SHF: variants seen among roughly 807,000 people sequenced by gnomAD.
SHF encodes SH2 domain-containing adapter protein F.
Under a neutral mutation model 42.4 loss-of-function variants are expected in SHF, and 30 were observed. That is an observed-to-expected ratio of 0.71 (90% confidence interval 0.53 to 0.96). The LOEUF is 0.96. SHF is among the 40% of genes least tolerant of loss of function. The pLI is 0.00. For missense variants in SHF, 598 were observed against 634.0 expected (o/e 0.94, Z 0.61); for synonymous variants, 264 against 269.9 (o/e 0.98, Z 0.21).
intron 2 of SHF, among the ~76,000 whole-genome samples, 157 bp from the exon 3 acceptor site, chr15:45,175,582 C>T (rs992772989): frequency 2.6e-5 from 4 of 152,196 alleles, no homozygotes; most frequent in African/African-American, 9.7e-5. Context: ...GTTCCTCACC[C>T]TCAAAACACT....
At chr15:45,188,914 T>C (rs1358865165), upstream of SHF, among the ~76,000 whole-genome samples, 3 of 152,094 alleles carry the variant, frequency 2.0e-5, no homozygotes, top group Non-Finnish European at 2.9e-5. Flanking sequence ...CAGTTCCGGC[T>C]GGGCGCGGTG....
At chr15:45,198,911 G>C in exon 2 of SHF, 1 of 1,614,040 alleles carries the variant, frequency 6.2e-7, no homozygotes, top group South Asian at 1.1e-5. Context: ...AGCGCAGTGG[G>C]AGTTTAGGGG....
exon 1 of SHF, chr15:45,200,965 C>G: frequency 2.4e-6 from 1 of 422,630 alleles, no homozygotes; most frequent in Non-Finnish European, 4.8e-6. Context: ...TTTTGCGGTC[C>G]GTGCGTACAG....
At chr15:45,182,861 C>A (rs536677833) in intron 1 of SHF, among the ~76,000 whole-genome samples, 5 of 152,186 alleles carry the variant, frequency 3.3e-5, no homozygotes, top group Non-Finnish European at 7.3e-5. Flanking sequence ...ATGTCCTTCT[C>A]CTATTTTATC....
At chr15:45,187,259 G>A (rs1019231112) in intron 1 of SHF, among the ~76,000 whole-genome samples, 195 bp downstream of exon 1, 5 of 152,344 alleles carry the variant, frequency 3.3e-5, no homozygotes, top group South Asian at 2.1e-4. Context: ...AGAGTTTGGG[G>A]CTTCCGTCTC....
intron 1 of SHF, among the ~76,000 whole-genome samples, chr15:45,181,864 A>AT (rs1478919498): frequency 6.6e-6 from 1 of 152,226 alleles, no homozygotes; most frequent in Non-Finnish European, 1.5e-5. Flanking sequence ...AAATAAATAA[A>AT]AAATAAAACC....
rs939617679 is a variant in SHF at position 45,198,692 on chromosome 15, C to G, written c.303+80G>C. The G allele has an allele frequency of 2.4e-5, 36 of 1,517,328 alleles. No homozygotes were observed. The Admixed American group carries it at 6.7e-4, about 28-fold the overall frequency. 94.0% of individuals were successfully genotyped at this position (1,517,328 alleles called of 1,614,324 possible). ...ACGATCACGGCGAGCTACCGGGGAC[C>G]CGTAGGGGTTGGCTTCTGATTATCC... On this transcript the variant is annotated intron_variant, in intron 2 of 7. Coordinates refer to the SHF transcript ENST00000290894.
intron 4 of SHF, among the ~76,000 whole-genome samples, chr15:45,173,291 T>C (rs1323892606): frequency 6.6e-6 from 1 of 152,208 alleles, no homozygotes; most frequent in Non-Finnish European, 1.5e-5. Context: ...AGTATTTGCA[T>C]TGCTGAAGGA....
At chr15:45,176,795 T>G (rs992183224) in intron 2 of SHF, among the ~76,000 whole-genome samples, 1 of 152,204 alleles carries the variant, frequency 6.6e-6, no homozygotes, top group African/African-American at 2.4e-5. Flanking sequence ...TTTTCACATA[T>G]AATTTCAGGG....
chr15:45,172,110 G>A (rs1041916084), intron 5 of SHF, 37 bp downstream of exon 5: 6 of 1,613,752 alleles, frequency 3.7e-6, no homozygotes, highest in Non-Finnish European at 5.1e-6. Flanking sequence ...GAGGGGAGGA[G>A]TGGGGAGGGA....
At position 45,178,188 on chromosome 15, in the gene SHF, T is replaced by A. The variant is rs751784176; in HGVS notation, c.617A>T (p.Tyr206Phe). ...ACCGGCCATCATCTTTTGAGCCTCA[T>A]AGGGCTCCATGTAGCCATCATTTTC... ...VPENDGYMEP[Y>F]EAQKMMAEIR... Residue 206 changes from tyrosine to phenylalanine, a missense_variant, in exon 2 of 7, where the codon TAT (tyrosine) becomes TTT (phenylalanine). By Grantham distance (22) the Tyr-to-Phe change is conservative. Coordinates refer to ENST00000690270, the MANE Select transcript of SHF (RefSeq NM_001394037.1). The A allele has an allele frequency of 3.7e-6, 6 of 1,613,196 alleles. No individual in the cohort carries two copies. The African/African-American group carries it at 6.7e-5, about 18-fold the overall frequency.
intron 6 of SHF, among the ~76,000 whole-genome samples, chr15:45,169,247 G>A (rs571925509): frequency 3.3e-5 from 5 of 152,290 alleles, no homozygotes; most frequent in East Asian, 1.9e-4. Flanking sequence ...GGCTCTGCCC[G>A]GACCCATTTC....
chr15:45,183,883 G>A lies in SHF; in HGVS notation c.498+3571C>T, dbSNP rs984629531. Among the ~76,000 whole-genome samples, 9 of 152,176 alleles carry A rather than the reference G, an allele frequency of 5.9e-5. 1 individual carries two copies. Among genetic ancestry groups the A allele is most frequent in the Admixed American group, 2.0e-4 (3 of 15,268 alleles). On this transcript the variant is annotated intron_variant, in intron 1 of 6. Transcript: ENST00000690270. The stretch of plus-strand genomic sequence containing the variant: ...CCTCAGCCATCCTCAAAGCAGCAAC[G>A]GCAGCACAGATGGCCAGCCTGGGCC...
chr15:45,179,995 A>G (rs1354196383), intron 1 of SHF, among the ~76,000 whole-genome samples: 1 of 151,928 alleles, frequency 6.6e-6, no homozygotes, highest in Admixed American at 6.6e-5. Flanking sequence ...GTACCTCCCA[A>G]TGGCTCCTAC....
chr15:45,174,619 C>T (rs1240678777), intron 3 of SHF, among the ~76,000 whole-genome samples: 2 of 152,222 alleles, frequency 1.3e-5, no homozygotes, highest in African/African-American at 4.8e-5. Flanking sequence ...ACTCCAGGCT[C>T]TTGCTCCACC....
chr15:45,171,560 A>G (rs957940557), intron 6 of SHF: 12 of 372,118 alleles, frequency 3.2e-5, no homozygotes, highest in African/African-American at 2.4e-4. Context: ...CTTCCCATGC[A>G]TTATTTCACC....
intron 1 of SHF, among the ~76,000 whole-genome samples, chr15:45,180,120 A>G (rs866623334): frequency 2.0e-5 from 3 of 152,016 alleles, no homozygotes; most frequent in Admixed American, 6.5e-5. Flanking sequence ...AGATCATCCA[A>G]TTACCACCAC....
chr15:45,167,836 C>A lies in SHF; in HGVS notation c.*111G>T. The A allele has an allele frequency of 9.3e-7, 1 of 1,075,250 alleles. No individual in the cohort carries two copies. Among genetic ancestry groups the A allele is most frequent in the Non-Finnish European group, 1.3e-6 (1 of 793,582 alleles). The allele number at this position is 1,075,250 out of a possible 1,614,324, so 66.6% of individuals were successfully genotyped here. A position where few individuals can be genotyped will look rare whatever the true frequency, so the allele number is the denominator to read the frequency against. Reference sequence around the variant, plus strand: ...AGGAATCTCCAGCTTCTACTGGATCCCAGGAGAAGAAAGGTTTGAAAGATC... The same window carrying A: ...AGGAATCTCCAGCTTCTACTGGATCACAGGAGAAGAAAGGTTTGAAAGATC... On this transcript the variant is annotated 3_prime_UTR_variant, in exon 7 of 7. Transcript: ENST00000690270.
Position 45,187,741 on chromosome 15 carries a change from G to T in SHF, c.211C>A (p.Pro71Thr). The change falls in exon 1 of 7, where the codon CCC becomes ACC. Residue 71 changes from proline (P) to threonine (T), a missense_variant. Physicochemically the swap from Pro to Thr is conservative, Grantham distance 38 (BLOSUM62 -1). Around this residue, in one of 2 missense-constraint regions of SHF, gnomAD observed 159 missense variants for 109.3 expected, o/e 1.45. Coordinates refer to ENST00000690270, the MANE Select transcript of SHF (RefSeq NM_001394037.1). ...GGGGGGSKPA[P>T]PEPDYRPPAP... ...GGGGGGCGGTAGTCGGGCTCGGGGG[G>T]CGCCGGCTTGCTGCCCCCTCCGCCG... 1.0e-6 allele frequency: 1 copy of T among 973,872 alleles called. No homozygotes were observed. The highest frequency in any genetic ancestry group is 1.3e-6 in the Non-Finnish European group (1 of 758,020). 60.3% of individuals were successfully genotyped at this position (973,872 alleles called of 1,614,324 possible). A position where few individuals can be genotyped will look rare whatever the true frequency, so the allele number is the denominator to read the frequency against.
Sources: gnomAD v4.1 joint callset for allele counts (sites outside exome capture counted in the v4.1 genomes callset) on GRCh38, gnomAD v4.1.1 for gene constraint, gnomAD v4.1.1 regional missense constraint, MANE v1.5 for transcripts, NCBI Gene and HGNC (gene_info 2026-07-23, HGNC 2026-07-21) for gene names.